Variants in NAV1 observed in about 807,000 individuals in gnomAD.
NAV1 encodes neuron navigator 1, also known as pore membrane and/or filament interacting like protein 3.
NAV1 carries 18 observed loss-of-function variants against 175.2 expected under a neutral mutation model. The observed-to-expected ratio is 0.10, with a 90% CI of 0.07 to 0.15. The LOEUF is 0.15. NAV1 is among the 10% of genes least tolerant of loss of function. The pLI is 1.00. For synonymous variants in NAV1, 897 were observed against 978.7 expected, an observed-to-expected ratio of 0.92 and a Z score of 1.56; for missense variants, 1,731 against 2,436.6, an observed-to-expected ratio of 0.71 and a Z score of 6.10.
chr1:201,736,970 A>C (rs967475772), intron 3 of NAV1, among the ~76,000 whole-genome samples: 12 of 150,174 alleles, frequency 8.0e-5, no homozygotes, highest in African/African-American at 3.0e-4. Flanking sequence ...TCACCCCTTC[A>C]TTGCCCATCC....
intron 11 of NAV1, among the ~76,000 whole-genome samples, chr1:201,790,316 G>C (rs1373531927): frequency 1.3e-5 from 2 of 152,110 alleles, no homozygotes; most frequent in East Asian, 1.9e-4. Context: ...AGCCTTTTTG[G>C]CAATGACAAA....
At chr1:201,633,263 T>C (rs1188051634) in intron 2 of NAV1, among the ~76,000 whole-genome samples, 1 of 152,240 alleles carries the variant, frequency 6.6e-6, no homozygotes, top group African/African-American at 2.4e-5. Flanking sequence ...ACTTATTGAA[T>C]ACCCTACTAT....
At position 201,804,579 on chromosome 1, in the gene NAV1, T is replaced by TAAAA. The variant is rs377039916; in HGVS notation, c.3648+102_3648+105dup. 1.7e-3 allele frequency: 606 copies of TAAAA among 357,084 alleles called. 6 individuals carry two copies. The African/African-American group carries it at 0.017, about 10-fold the overall frequency. The allele number at this position is 357,084 out of a possible 1,614,324, so 22.1% of individuals were successfully genotyped here. On this transcript the variant is annotated intron_variant, in intron 17 of 29. Coordinates refer to ENST00000367296, the Ensembl canonical transcript of NAV1. ...TATTTCCAGAGCAACTCCCTTCCCC[T>TAAAA]AAAAAAAAAAAAAAAAAAAAAAATG...
chr1:201,553,619 A>G (rs138844291), intron 1 of NAV1, among the ~76,000 whole-genome samples: 58 of 152,340 alleles, frequency 3.8e-4, no homozygotes, highest in African/African-American at 1.3e-3. Flanking sequence ...CCGGATCCAG[A>G]TATGGAACAT....
intron 28 of NAV1, 127 bp from the exon 33 acceptor site, chr1:201,816,961 A>T: frequency 1.3e-6 from 1 of 779,624 alleles, no homozygotes; most frequent in Non-Finnish European, 2.0e-6. Context: ...GGCATGAGCC[A>T]CTGCGCCTGG....
chr1:201,592,267 G>C (rs1335650243), intron 2 of NAV1, among the ~76,000 whole-genome samples: 2 of 152,326 alleles, frequency 1.3e-5, no homozygotes, highest in East Asian at 3.9e-4. Flanking sequence ...TGTGGAATCA[G>C]CAACAGCAGA....
intron 1 of NAV1, among the ~76,000 whole-genome samples, chr1:201,544,131 A>G (rs998710957): frequency 2.0e-5 from 3 of 152,136 alleles, no homozygotes; most frequent in Non-Finnish European, 4.4e-5. Context: ...CCACCTGGGG[A>G]GCTTTTAAAA....
At chr1:201,671,714 G>A (rs564355426) in intron 1 of NAV1, among the ~76,000 whole-genome samples, 2 of 152,152 alleles carry the variant, frequency 1.3e-5, no homozygotes, top group Middle Eastern at 3.2e-3. Context: ...CTAGGCAGTG[G>A]GCATTTCTCA....
chr1:201,630,533 G>A (rs985894122), intron 2 of NAV1, among the ~76,000 whole-genome samples: 1 of 152,166 alleles, frequency 6.6e-6, no homozygotes, highest in African/African-American at 2.4e-5. Flanking sequence ...CTTGGCCTGG[G>A]AGCTGGGACC....
At chr1:201,648,353 T>A in exon 1 of NAV1, 1 of 1,198,974 alleles carries the variant, frequency 8.3e-7, no homozygotes, top group East Asian at 3.5e-5. Flanking sequence ...TTCCTTTGAC[T>A]GATTTTTAAA....
upstream of NAV1, among the ~76,000 whole-genome samples, chr1:201,645,302 C>A (rs942758048): frequency 6.8e-6 from 1 of 146,744 alleles, no homozygotes; most frequent in Non-Finnish European, 1.5e-5. Flanking sequence ...ATCGCAAGGA[C>A]AAAAAACCAA....
intron 16 of NAV1, 91 bp from the exon 21 acceptor site, chr1:201,804,398 C>T (rs1433365791): frequency 7.6e-7 from 1 of 1,315,824 alleles, no homozygotes; most frequent in Non-Finnish European, 1.1e-6. Flanking sequence ...ATAATGCAGA[C>T]AGGTACCAGC....
chr1:201,783,415 G>A lies in NAV1; in HGVS notation c.2367G>A (p.Ala789=), dbSNP rs141192494. ...TTTGATCTTCTCTCAGGGCCACAGC[G>A]AAGAGCTTTGTCAAACCACCCTCAC... Residue 789 remains alanine (A), a synonymous_variant, in exon 7 of 30, where the codon GCG becomes GCA. Transcript: ENST00000367296. 7.7e-5 allele frequency: 124 copies of A among 1,613,610 alleles called. 3 individuals are homozygous for A. The highest frequency in any genetic ancestry group is 6.7e-4 in the African/African-American group (50 of 75,014).
chr1:201,816,750 T>A, intron 28 of NAV1: 2 of 160,260 alleles, frequency 1.2e-5, no homozygotes, highest in Non-Finnish European at 1.3e-5. Flanking sequence ...CACTGCAACC[T>A]CCGCAGGTTC....
At chr1:201,643,864 T>C (rs547495546), upstream of NAV1, among the ~76,000 whole-genome samples, 1 of 152,358 alleles carries the variant, frequency 6.6e-6, no homozygotes, top group East Asian at 1.9e-4. Flanking sequence ...CCGTTTCTAA[T>C]CACAGGGGTG....
chr1:201,581,068 A>G (rs1666845501), intron 1 of NAV1, among the ~76,000 whole-genome samples: 1 of 152,176 alleles, frequency 6.6e-6, no homozygotes, highest in Admixed American at 6.5e-5. Flanking sequence ...ACAAAACAGG[A>G]GAAGTTAGCA....
At chr1:201,655,234 G>T (rs922355670) in intron 1 of NAV1, among the ~76,000 whole-genome samples, 1 of 152,110 alleles carries the variant, frequency 6.6e-6, no homozygotes, top group African/African-American at 2.4e-5. Flanking sequence ...CTTTCTCCTG[G>T]CCCAACCAGG....
chr1:201,612,094 G>A (rs1667864471), intron 2 of NAV1, among the ~76,000 whole-genome samples: 4 of 152,190 alleles, frequency 2.6e-5, no homozygotes, highest in South Asian at 2.1e-4. Context: ...ATGTGTGTGT[G>A]TGTGAGTGTG....
At chr1:201,581,480 A>C (rs979326673) in intron 1 of NAV1, among the ~76,000 whole-genome samples, 2 of 152,178 alleles carry the variant, frequency 1.3e-5, no homozygotes, top group African/African-American at 2.4e-5. Flanking sequence ...TCAGTGGAGA[A>C]GTTAAGGCCA....
Sources: allele counts gnomAD v4.1 joint callset (sites outside exome capture counted in the v4.1 genomes callset), GRCh38; gene constraint gnomAD v4.1.1; transcripts MANE v1.5; gene names NCBI Gene and HGNC (gene_info 2026-07-23, HGNC 2026-07-21).